NRXN2: variants seen among roughly 807,000 people sequenced by gnomAD.
NRXN2 encodes the protein neurexin-2-beta.
A neutral mutation model predicts 128.8 loss-of-function variants in NRXN2; 29 were observed. The ratio of observed to expected loss-of-function variants is 0.23; its 90% CI spans 0.17 to 0.31. The LOEUF (loss-of-function observed/expected upper bound fraction) is 0.31, where lower values mean the gene tolerates loss of function less well. NRXN2 is among the 10% of genes least tolerant of loss of function. The probability of loss-of-function intolerance (pLI) is 1.00; values close to 1 mark genes in which losing one functional copy is unlikely to be tolerated. For synonymous variants in NRXN2, 1,098 were observed against 1,075.2 expected (o/e 1.02, Z -0.41); for missense variants, 1,881 against 2,452.6 (o/e 0.77, Z 4.92).
chr11:64,619,235 A>C (rs573386588), intron 22 of NRXN2, among the ~76,000 whole-genome samples: 19 of 152,132 alleles, frequency 1.2e-4, no homozygotes, highest in African/African-American at 3.9e-4. Flanking sequence ...CCAGCAGCCC[A>C]AGCGAGAAAC....
At chr11:64,646,343 A>C (rs988675098) in intron 17 of NRXN2, 1 of 152,426 alleles carries the variant, frequency 6.6e-6, no homozygotes, top group African/African-American at 2.4e-5. Flanking sequence ...CACAACCCTC[A>C]CTTCCCATCC....
intron 9 of NRXN2, among the ~76,000 whole-genome samples, chr11:64,665,591 G>A (rs1422837763): frequency 6.6e-6 from 1 of 152,168 alleles, no homozygotes; most frequent in Non-Finnish European, 1.5e-5. Flanking sequence ...TAAAGCCCGG[G>A]GGAGGCAACA....
chr11:64,709,190 CAAAAAA>C (rs112450142), intron 2 of NRXN2, among the ~76,000 whole-genome samples: 3 of 83,418 alleles, frequency 3.6e-5, no homozygotes, highest in East Asian at 2.5e-4. Context: ...GACTCCATCT[CAAAAAA>C]AAAAAAAAAA....
At chr11:64,679,279 G>C (rs2051809586) in intron 6 of NRXN2, among the ~76,000 whole-genome samples, 1 of 152,212 alleles carries the variant, frequency 6.6e-6, no homozygotes, top group Non-Finnish European at 1.5e-5. Flanking sequence ...AATAAAATAA[G>C]ATTCAAAAGT....
At chr11:64,697,718 T>G in intron 3 of NRXN2, 57 bp downstream of exon 3, 2 of 1,604,726 alleles carry the variant, frequency 1.2e-6, no homozygotes, top group Non-Finnish European at 1.7e-6. Flanking sequence ...CAGTCCCTCA[T>G]GTAGGATCCC....
At chr11:64,626,147 T>C (rs1429674795) in intron 20 of NRXN2, among the ~76,000 whole-genome samples, 1 of 152,116 alleles carries the variant, frequency 6.6e-6, no homozygotes, top group Admixed American at 6.5e-5. Context: ...GCTTGTGATT[T>C]ACTGCCGGGC....
Position 64,607,448 on chromosome 11 carries a change from G to A in NRXN2, c.4887C>T (p.Ile1629=). Reference sequence around the variant, plus strand: ...TGCCCGTGGTGCTGCTGGACTCCCGGATCACCTCCACTGCGCCCGGCGGGC... The same window carrying A: ...TGCCCGTGGTGCTGCTGGACTCCCGAATCACCTCCACTGCGCCCGGCGGGC... ...ERGPPGAVEV[I]RESSSTTGMV... The change falls in exon 23 of 23, where the codon ATC becomes ATT. Residue 1629 remains isoleucine (I), a synonymous_variant. Transcript: ENST00000265459. The A allele has an allele frequency of 3.7e-6, 6 of 1,611,938 alleles. No homozygotes were observed. Among genetic ancestry groups the A allele is most frequent in the Non-Finnish European group, 5.1e-6 (6 of 1,179,748 alleles).
chr11:64,721,883 T>C lies in NRXN2; in HGVS notation c.-245+1088A>G, dbSNP rs139740830. Among the ~76,000 whole-genome samples, 36 of 152,148 alleles carry C rather than the reference T, an allele frequency of 2.4e-4. No homozygotes were observed. The East Asian group carries it at 7.0e-3, about 29-fold the overall frequency. On this transcript the variant is annotated intron_variant, in intron 1 of 22. Transcript: ENST00000265459. ...CACCCCCTAAAAATCTATTTCATTATTCCAGGTGGACAGCCTCCTCCTTCA... is the reference window on the plus strand; with the variant it reads ...CACCCCCTAAAAATCTATTTCATTACTCCAGGTGGACAGCCTCCTCCTTCA...
intron 17 of NRXN2, among the ~76,000 whole-genome samples, chr11:64,636,454 G>A (rs1396637926): frequency 1.3e-5 from 2 of 152,062 alleles, no homozygotes; most frequent in Admixed American, 6.6e-5. Flanking sequence ...AGCCTTGTCT[G>A]GGAGGCCTGG....
chr11:64,645,526 C>T (rs2046518320), intron 17 of NRXN2, among the ~76,000 whole-genome samples: 1 of 152,018 alleles, frequency 6.6e-6, no homozygotes, highest in Non-Finnish European at 1.5e-5. Flanking sequence ...ACCTCGGTCC[C>T]AAATCTCAGC....
intron 6 of NRXN2, among the ~76,000 whole-genome samples, chr11:64,682,489 T>G (rs1207846325): frequency 6.6e-6 from 1 of 151,238 alleles, no homozygotes; most frequent in Non-Finnish European, 1.5e-5. Context: ...ACTCCATCCT[T>G]GCGGACCGCA....
chr11:64,618,032 C>T (rs555776029), intron 22 of NRXN2, among the ~76,000 whole-genome samples: 15 of 152,298 alleles, frequency 9.8e-5, no homozygotes, highest in African/African-American at 3.6e-4. Context: ...ACCTCCTCCA[C>T]CCTTCATCCT....
At chr11:64,638,826 T>C (rs1421381892) in intron 17 of NRXN2, among the ~76,000 whole-genome samples, 1 of 152,142 alleles carries the variant, frequency 6.6e-6, no homozygotes, top group Non-Finnish European at 1.5e-5. Context: ...TTCGGCACCT[T>C]CTGCCCATGT....
At chr11:64,694,189 GC>G (rs2054194088) in intron 3 of NRXN2, among the ~76,000 whole-genome samples, 1 of 152,118 alleles carries the variant, frequency 6.6e-6, no homozygotes, top group Admixed American at 6.5e-5. Flanking sequence ...AAACCTCAGA[GC>G]CCCCCCAGCC....
At chr11:64,626,729 C>T (rs970745937) in intron 19 of NRXN2, among the ~76,000 whole-genome samples, 177 bp from the exon 20 acceptor site, 2 of 152,236 alleles carry the variant, frequency 1.3e-5, no homozygotes, top group African/African-American at 2.4e-5. Context: ...CCCTAGGCTC[C>T]GGTTCAGAGC....
In NRXN2 at chr11:64,690,584, G is replaced by A. The variant is rs1463893957; in HGVS notation, c.779-108C>T. 7.1e-6 allele frequency: 7 copies of A among 980,058 alleles called. No individual in the cohort carries two copies. In the Admixed American group the frequency reaches 1.0e-4, roughly 14 times the overall value. The allele number at this position is 980,058 out of a possible 1,614,324, so 60.7% of individuals were successfully genotyped here. A position where few individuals can be genotyped will look rare whatever the true frequency, so the allele number is the denominator to read the frequency against. ...CCAGGGTGGAGGTGCTGCTTGCACG[G>A]ACAGGGGAGGAGAGGCTTTTCTGGG... On this transcript the variant is annotated intron_variant, in intron 4 of 22. Transcript: ENST00000265459.
intron 1 of NRXN2, among the ~76,000 whole-genome samples, chr11:64,716,180 T>C (rs1484231408): frequency 6.6e-6 from 1 of 152,004 alleles, no homozygotes; most frequent in African/African-American, 2.4e-5. Flanking sequence ...CCGGACACTA[T>C]TTTGGGGAGG....
In NRXN2 at chr11:64,651,258, T is replaced by C. The variant is rs766556462; in HGVS notation, c.2915A>G (p.Lys972Arg). 2 of 1,614,122 alleles carry C rather than the reference T, an allele frequency of 1.2e-6. No homozygotes were observed. Among genetic ancestry groups the C allele is most frequent in the Admixed American group, 3.3e-5 (2 of 60,020 alleles). The change falls in exon 14 of 23, where the codon AAG becomes AGG. Residue 972 changes from lysine to arginine, a missense_variant. Transcript: ENST00000265459. The surrounding 1 kb of genome is among the most constrained non-coding windows in gnomAD (Gnocchi z 5.9). ...AGTGCAATCCCCAGCCCCTCACCCC[T>C]TGACCAGCTCGATGACAATGAAGTC... is the stretch of plus-strand genomic sequence containing the variant. ...GNDFIVIELVKGYIHYVFDLG... is the reference protein window; with the variant it reads ...GNDFIVIELVRGYIHYVFDLG...
chr11:64,694,470 G>A (rs1213160900), intron 3 of NRXN2, among the ~76,000 whole-genome samples: 4 of 152,244 alleles, frequency 2.6e-5, no homozygotes, highest in Admixed American at 6.5e-5. Context: ...CCTGGACCCC[G>A]TGGCAGATGG....
Sources: gnomAD v4.1 joint callset for allele counts (sites outside exome capture counted in the v4.1 genomes callset) on GRCh38, gnomAD v4.1.1 for gene constraint, Gnocchi (gnomAD v3.1) non-coding constraint, MANE v1.5 for transcripts, NCBI Gene and HGNC (gene_info 2026-07-23, HGNC 2026-07-21) for gene names.